Variants in SDK1 observed in about 807,000 individuals in gnomAD.
SDK1 encodes sidekick cell adhesion molecule 1.
In SDK1, 157 loss-of-function variants were observed where a neutral mutation model predicts 245.5. That is an observed-to-expected ratio of 0.64 (90% CI 0.56 to 0.73). The LOEUF (loss-of-function observed/expected upper bound fraction) is 0.73. Among genes scored for constraint, SDK1 ranks in the 30% least tolerant of loss-of-function variants. The pLI is 0.00. For missense variants in SDK1, 3,583 were observed against 3,002.3 expected (o/e 1.19, Z -4.52); for synonymous variants, 1,647 against 1,278.5 (o/e 1.29, Z -6.15).
chr7:3,677,894 G>T (rs934062154), intron 4 of SDK1, among the ~76,000 whole-genome samples: 4 of 152,148 alleles, frequency 2.6e-5, no homozygotes, highest in African/African-American at 9.7e-5. Flanking sequence ...CATAGAATCT[G>T]ATCAGAGGCT....
At chr7:4,070,134 C>A (rs571039417) in intron 20 of SDK1, among the ~76,000 whole-genome samples, 1 of 152,262 alleles carries the variant, frequency 6.6e-6, no homozygotes, top group Admixed American at 6.5e-5. Flanking sequence ...ATTATAATTG[C>A]CATGTAAAAA....
intron 5 of SDK1, among the ~76,000 whole-genome samples, chr7:3,894,823 AGTAGCTGGTGGCAC>A: frequency 6.6e-6 from 1 of 150,404 alleles, no homozygotes; most frequent in East Asian, 2.0e-4. Context: ...CAGCCTCCCG[AGTAGCTGGTGGCAC>A]GTGCCACCAT....
intron 5 of SDK1, among the ~76,000 whole-genome samples, chr7:3,898,709 T>G (rs1781684607): frequency 6.6e-6 from 1 of 152,204 alleles, no homozygotes. Context: ...TAATAGAATT[T>G]TGGTTTTATT....
chr7:3,922,683 T>C (rs1292167857), intron 5 of SDK1, among the ~76,000 whole-genome samples: 1 of 152,252 alleles, frequency 6.6e-6, no homozygotes, highest in Non-Finnish European at 1.5e-5. Context: ...GTCTGCACTC[T>C]TGTCAGTTTG....
intron 4 of SDK1, among the ~76,000 whole-genome samples, chr7:3,723,471 C>G (rs1385876903): frequency 6.6e-6 from 1 of 152,126 alleles, no homozygotes; most frequent in Non-Finnish European, 1.5e-5. Context: ...GAGATTATTT[C>G]TTCAGTTTTT....
At chr7:4,055,565 TG>T (rs1779143705) in intron 19 of SDK1, among the ~76,000 whole-genome samples, 2 of 148,866 alleles carry the variant, frequency 1.3e-5, no homozygotes, top group Admixed American at 6.6e-5. Flanking sequence ...TTTTGTTTTT[TG>T]TTTTTTTAGA....
intron 2 of SDK1, among the ~76,000 whole-genome samples, chr7:3,619,440 A>G (rs1009725657): frequency 6.6e-5 from 10 of 152,246 alleles, no homozygotes; most frequent in Non-Finnish European, 8.8e-5. Flanking sequence ...TAGGAAGTCT[A>G]TCATTATATT....
At chr7:3,892,612 T>G (rs1260819190) in intron 5 of SDK1, among the ~76,000 whole-genome samples, 3 of 152,176 alleles carry the variant, frequency 2.0e-5, no homozygotes, top group Non-Finnish European at 2.9e-5. Flanking sequence ...AGGCATAGAT[T>G]CCAAAAAGAA....
chr7:3,649,995 G>A (rs1782959420), intron 4 of SDK1, among the ~76,000 whole-genome samples: 2 of 146,270 alleles, frequency 1.4e-5, no homozygotes, highest in Non-Finnish European at 3.0e-5. Flanking sequence ...CTTTGGAAGA[G>A]GTTGCTATTT....
At chr7:3,882,685 G>A (rs1366249346) in intron 5 of SDK1, among the ~76,000 whole-genome samples, 1 of 152,050 alleles carries the variant, frequency 6.6e-6, no homozygotes, top group Middle Eastern at 3.2e-3. Flanking sequence ...CTGTTTTTAA[G>A]GACTTAGACA....
intron 5 of SDK1, among the ~76,000 whole-genome samples, chr7:3,862,659 A>G (rs894283575): frequency 6.6e-6 from 1 of 152,170 alleles, no homozygotes; most frequent in Non-Finnish European, 1.5e-5. Context: ...TTCAAATGTC[A>G]GGCTTTTTAA....
intron 1 of SDK1, among the ~76,000 whole-genome samples, chr7:3,306,290 A>C (rs1379002177): frequency 6.6e-6 from 1 of 152,180 alleles, no homozygotes; most frequent in African/African-American, 2.4e-5. Flanking sequence ...CCTCTAAGAA[A>C]ATGACTATCA....
At chr7:3,758,736 G>T (rs981177145) in intron 4 of SDK1, among the ~76,000 whole-genome samples, 3 of 152,106 alleles carry the variant, frequency 2.0e-5, no homozygotes, top group African/African-American at 7.2e-5. Context: ...CTTTTATGGG[G>T]AAATAGGATT....
At chr7:3,631,771 T>G (rs1436720519) in intron 2 of SDK1, among the ~76,000 whole-genome samples, 1 of 152,234 alleles carries the variant, frequency 6.6e-6, no homozygotes, top group Non-Finnish European at 1.5e-5. Flanking sequence ...ATTGGTTCTT[T>G]GTTTAGGGAT....
chr7:3,705,970 T>A (rs549639150), intron 4 of SDK1, among the ~76,000 whole-genome samples: 270 of 152,340 alleles, frequency 1.8e-3, no homozygotes, highest in Non-Finnish European at 2.8e-3. Context: ...AGGGTTTTTA[T>A]AATAAAGGGA....
intron 1 of SDK1, among the ~76,000 whole-genome samples, chr7:3,397,657 G>A (rs1319097440): frequency 1.3e-5 from 2 of 151,880 alleles, no homozygotes; most frequent in Non-Finnish European, 1.5e-5. Context: ...GACTCTTTGA[G>A]TTACCCTATT....
chr7:3,454,614 G>A (rs533928938), intron 1 of SDK1, among the ~76,000 whole-genome samples: 2 of 152,126 alleles, frequency 1.3e-5, no homozygotes, highest in Non-Finnish European at 2.9e-5. Flanking sequence ...GTAACCTTTT[G>A]GGATTTGCTG....
At chr7:4,152,501 T>C (rs994642667) in intron 30 of SDK1, among the ~76,000 whole-genome samples, 1 of 152,234 alleles carries the variant, frequency 6.6e-6, no homozygotes, top group African/African-American at 2.4e-5. Context: ...ATCCAGCCAC[T>C]ATTCCTGAAG....
At chr7:3,724,010 C>T (rs1469197393) in intron 4 of SDK1, among the ~76,000 whole-genome samples, 2 of 149,794 alleles carry the variant, frequency 1.3e-5, no homozygotes, top group South Asian at 2.1e-4. Context: ...GTTGCCTAGG[C>T]TGGAGTACAG....
Sources: allele counts gnomAD v4.1 joint callset (sites outside exome capture counted in the v4.1 genomes callset), GRCh38; gene constraint gnomAD v4.1.1; transcripts MANE v1.5; gene names NCBI Gene and HGNC (gene_info 2026-07-23, HGNC 2026-07-21).